SIPA1L2: variants seen among roughly 807,000 people sequenced by gnomAD.
The protein encoded by SIPA1L2 is signal induced proliferation associated 1 like 2, also known as signal-induced proliferation-associated 1-like protein 2.
Under a neutral mutation model 163.9 loss-of-function variants are expected in SIPA1L2, and 56 were observed. The observed-to-expected ratio is 0.34, with a 90% CI of 0.28 to 0.43. SIPA1L2 has a LOEUF of 0.43. Ranked by LOEUF, SIPA1L2 falls within the 20% of genes least tolerant of loss-of-function variation. The pLI is 1.00. For missense variants in SIPA1L2, 1,974 were observed against 2,193.5 expected, an observed-to-expected ratio of 0.90 and a Z score of 2.00; for synonymous variants, 877 against 865.7, an observed-to-expected ratio of 1.01 and a Z score of -0.23.
In SIPA1L2 at chr1:232,582,510, G is replaced by C. The variant is rs79220882; in HGVS notation, c.-318-8288C>G. ...ATTTCATTCTTTTCATGACTACACA[G>C]TATTCCATAGTGTATATATACCACA... On this transcript the variant is annotated intron_variant, in intron 1 of 22. Transcript: ENST00000674635. Among the ~76,000 whole-genome samples the C allele has an allele frequency of 5.5e-3, 840 of 152,280 alleles. 7 individuals carry two copies. Among genetic ancestry groups the C allele is most frequent in the African/African-American group, 0.019 (806 of 41,556 alleles).
At chr1:232,569,311 C>T (rs1659582587) in intron 2 of SIPA1L2, among the ~76,000 whole-genome samples, 1 of 152,212 alleles carries the variant, frequency 6.6e-6, no homozygotes, top group Non-Finnish European at 1.5e-5. Context: ...TAGGCAACTG[C>T]ATGTCCCAGT....
chr1:232,415,232 G>T (rs1268578564), intron 19 of SIPA1L2, among the ~76,000 whole-genome samples: 1 of 152,122 alleles, frequency 6.6e-6, no homozygotes, highest in Admixed American at 6.5e-5. Context: ...TCCCACCCAG[G>T]TCACAAATGG....
intron 1 of SIPA1L2, among the ~76,000 whole-genome samples, chr1:232,599,220 CAGT>C (rs1366922149): frequency 6.6e-6 from 1 of 152,194 alleles, no homozygotes; most frequent in African/African-American, 2.4e-5. Context: ...AACAAACAAA[CAGT>C]GGTGTCTGAT....
chr1:232,537,185 T>C (rs867293290), intron 2 of SIPA1L2, among the ~76,000 whole-genome samples: 1 of 152,106 alleles, frequency 6.6e-6, no homozygotes, highest in African/African-American at 2.4e-5. Flanking sequence ...TACAGTGAAC[T>C]GTGATTGTGC....
At position 232,514,636 on chromosome 1, in the gene SIPA1L2, C is replaced by G; in HGVS notation, c.704G>C (p.Arg235Pro). Residue 235 changes from arginine (R) to proline (P), a missense_variant, in exon 3 of 23, where the codon CGC becomes CCC. By Grantham distance (103) the Arg-to-Pro change is moderately radical. Transcript: ENST00000674635. ...GCTCGGAGAGATTGCAGGGTCACAGCGGAAAAATTCAGGGAACCCAAAAGG... is the reference window on the plus strand; with the variant it reads ...GCTCGGAGAGATTGCAGGGTCACAGGGGAAAAATTCAGGGAACCCAAAAGG... Reference protein sequence around the residue: ...MVPFGFPEFFRCDPAISPSLH... With the variant: ...MVPFGFPEFFPCDPAISPSLH... The G allele has an allele frequency of 6.2e-7, 1 of 1,614,158 alleles. No homozygotes were observed. The highest frequency in any genetic ancestry group is 1.1e-5 in the South Asian group (1 of 91,084).
chr1:232,578,701 T>A (rs553624077), intron 1 of SIPA1L2, among the ~76,000 whole-genome samples: 8 of 152,210 alleles, frequency 5.3e-5, no homozygotes, highest in Admixed American at 3.3e-4. Context: ...CCCAACACAA[T>A]GAACAGTCTG....
At position 232,398,887 on chromosome 1, in the gene SIPA1L2, G is replaced by T; in HGVS notation, c.*240C>A. On this transcript the variant is annotated 3_prime_UTR_variant, in exon 23 of 23. Coordinates refer to ENST00000674635, the MANE Select transcript of SIPA1L2 (RefSeq NM_020808.5). ...GAAAAAGGTCTCAACTGTCGCCAGG[G>T]TTTACATTCATCTTCACACCAGGAG... 1 of 503,132 alleles carries T rather than the reference G, an allele frequency of 2.0e-6. No individual in the cohort carries two copies. The highest frequency in any genetic ancestry group is 3.5e-6 in the Non-Finnish European group (1 of 284,406). 31.2% of individuals were successfully genotyped at this position (503,132 alleles called of 1,614,324 possible).
chr1:232,602,964 G>A (rs1219979485), intron 1 of SIPA1L2, among the ~76,000 whole-genome samples: 1 of 152,204 alleles, frequency 6.6e-6, no homozygotes, highest in African/African-American at 2.4e-5. Context: ...CAGCTAGAAA[G>A]CTATTTCAAA....
intron 19 of SIPA1L2, among the ~76,000 whole-genome samples, chr1:232,410,766 C>T (rs1327600223): frequency 1.3e-5 from 2 of 152,018 alleles, no homozygotes; most frequent in Non-Finnish European, 2.9e-5. Flanking sequence ...AAATGTATTC[C>T]TATATAGCTA....
chr1:232,628,182 G>A (rs140530246), intron 1 of SIPA1L2, among the ~76,000 whole-genome samples: 2 of 152,278 alleles, frequency 1.3e-5, no homozygotes, highest in Non-Finnish European at 2.9e-5. Context: ...TGAAACTACG[G>A]GCTATTGTGC....
chr1:232,466,598 A>G (rs10797572), intron 8 of SIPA1L2, among the ~76,000 whole-genome samples: 56,930 of 151,918 alleles, frequency 0.37, 12,627 homozygotes, highest in East Asian at 0.71. Context: ...AGACCATCCT[A>G]GCTAGCACGG....
chr1:232,619,122 A>AG (rs1456461123), intron 1 of SIPA1L2, among the ~76,000 whole-genome samples: 2 of 152,250 alleles, frequency 1.3e-5, no homozygotes, highest in Non-Finnish European at 2.9e-5. Context: ...CTGTGATCAA[A>AG]GGAACAACTG....
chr1:232,543,232 G>A (rs77143701), intron 2 of SIPA1L2, among the ~76,000 whole-genome samples: 1,721 of 152,266 alleles, frequency 0.011, 12 homozygotes, highest in Non-Finnish European at 0.018. Flanking sequence ...ACTAGTAATC[G>A]AAATGTATCA....
At chr1:232,550,084 C>A (rs1000413321) in intron 2 of SIPA1L2, among the ~76,000 whole-genome samples, 3 of 152,218 alleles carry the variant, frequency 2.0e-5, no homozygotes, top group Non-Finnish European at 4.4e-5. Context: ...TAAACTGTAA[C>A]TACCCACATC....
At chr1:232,435,689 T>C (rs371510801) in intron 15 of SIPA1L2, among the ~76,000 whole-genome samples, 1 of 152,236 alleles carries the variant, frequency 6.6e-6, no homozygotes, top group Non-Finnish European at 1.5e-5. Flanking sequence ...GCATAAATAC[T>C]GCTTGGTATT....
At chr1:232,578,861 T>A (rs1364625836) in intron 1 of SIPA1L2, among the ~76,000 whole-genome samples, 2 of 152,208 alleles carry the variant, frequency 1.3e-5, no homozygotes, top group African/African-American at 4.8e-5. Context: ...TTACTTCATT[T>A]CCTACTAAGC....
At chr1:232,485,096 C>T (rs2102981636) in intron 5 of SIPA1L2, among the ~76,000 whole-genome samples, 1 of 152,278 alleles carries the variant, frequency 6.6e-6, no homozygotes, top group African/African-American at 2.4e-5. Context: ...GAAACATTTA[C>T]CACATGCTGG....
chr1:232,425,533 T>C (rs1661837467), intron 18 of SIPA1L2, 56 bp downstream of exon 18: 3 of 1,384,488 alleles, frequency 2.2e-6, no homozygotes, highest in African/African-American at 2.9e-5. Context: ...GAGGCAGGAG[T>C]TGTGCGATCA....
chr1:232,503,650 G>C (rs1323555002), intron 3 of SIPA1L2, among the ~76,000 whole-genome samples: 1 of 152,216 alleles, frequency 6.6e-6, no homozygotes, highest in Non-Finnish European at 1.5e-5. Context: ...CACAGCAGAA[G>C]CTAGCTTGCT....
Sources: gnomAD v4.1 joint callset for allele counts (sites outside exome capture counted in the v4.1 genomes callset) on GRCh38, gnomAD v4.1.1 for gene constraint, MANE v1.5 for transcripts, NCBI Gene and HGNC (gene_info 2026-07-23, HGNC 2026-07-21) for gene names.